The following MATN2 variants were observed in gnomAD, a reference collection of about 807,000 sequenced individuals.
The protein encoded by MATN2 is matrilin 2, also known as matrilin-2.
Under a neutral mutation model 103.2 loss-of-function variants are expected in MATN2, and 69 were observed. The ratio of observed to expected loss-of-function variants is 0.67; its 90% CI spans 0.55 to 0.82. The LOEUF is 0.82. Ranked by LOEUF, MATN2 falls within the 40% of genes least tolerant of loss-of-function variation. MATN2 has a pLI of 0.00. For missense variants in MATN2, 1,023 were observed against 1,211.5 expected, an observed-to-expected ratio of 0.84 and a Z score of 2.31; for synonymous variants, 429 against 450.2, an observed-to-expected ratio of 0.95 and a Z score of 0.60.
chr8:98,032,409 A>G (rs1814066658), intron 16 of MATN2, 92 bp downstream of exon 16: 4 of 960,924 alleles, frequency 4.2e-6, no homozygotes, highest in Non-Finnish European at 6.4e-6. Flanking sequence ...GAATGTAAGT[A>G]TGTTCAAATT....
chr8:98,035,782 A>C lies in MATN2; in HGVS notation c.*70A>C, dbSNP rs957907239. On this transcript the variant is annotated 3_prime_UTR_variant, in exon 19 of 19. Transcript: ENST00000254898. ...ACAATGAACGCAGTGCAGAGCCCCA[A>C]AGCTCAGGCTATTGTTAAATCAATA... The C allele has an allele frequency of 1.9e-5, 18 of 924,826 alleles. No individual in the cohort carries two copies. The highest frequency in any genetic ancestry group is 3.0e-5 in the Non-Finnish European group (18 of 609,656). The allele number at this position is 924,826 out of a possible 1,614,324, so 57.3% of individuals were successfully genotyped here.
chr8:98,011,132 G>A (rs1193935463), intron 10 of MATN2, among the ~76,000 whole-genome samples: 1 of 152,210 alleles, frequency 6.6e-6, no homozygotes, highest in Non-Finnish European at 1.5e-5. Flanking sequence ...TGCATGGGTT[G>A]TAGGGGGTGA....
intron 4 of MATN2, among the ~76,000 whole-genome samples, chr8:97,955,460 G>A (rs922590935): frequency 3.3e-5 from 5 of 152,156 alleles, no homozygotes; most frequent in African/African-American, 1.2e-4. Flanking sequence ...TCCCATCTTC[G>A]ACCCCAGGGT....
At chr8:98,000,467 G>A (rs974614886) in intron 7 of MATN2, among the ~76,000 whole-genome samples, 8 of 151,500 alleles carry the variant, frequency 5.3e-5, no homozygotes, top group African/African-American at 1.7e-4. Context: ...TGTGGTAGCG[G>A]GCACCTGTAG....
intron 5 of MATN2, among the ~76,000 whole-genome samples, chr8:97,973,669 A>C (rs572752234): frequency 2.0e-5 from 3 of 150,444 alleles, no homozygotes; most frequent in African/African-American, 7.3e-5. Flanking sequence ...TCCCAAACTC[A>C]AGCAATCCTC....
In MATN2 at chr8:97,888,180, C is replaced by T. The variant is rs778619387; in HGVS notation, c.80C>T (p.Ser27Leu). 8.1e-6 allele frequency: 13 copies of T among 1,605,422 alleles called. No individual in the cohort carries two copies. The South Asian group carries it at 1.3e-4, about 16-fold the overall frequency. ...VLLPAEARER[S>L]RGRSISRGRH... The stretch of plus-strand genomic sequence containing the variant: ...CTCCCTGCCGAGGCCAGGGAGCGGT[C>T]ACGTGGGAGGTCCATCTCTAGGGGC... The change falls in exon 2 of 19, where the codon TCA becomes TTA. Residue 27 changes from serine (S) to leucine (L), a missense_variant. By Grantham distance (145) the Ser-to-Leu change is moderately radical. Coordinates refer to ENST00000254898, the MANE Select transcript of MATN2 (RefSeq NM_002380.5).
chr8:97,966,495 TG>T (rs1318012476), intron 5 of MATN2, among the ~76,000 whole-genome samples: 1 of 151,390 alleles, frequency 6.6e-6, no homozygotes, highest in African/African-American at 2.4e-5. Context: ...GAGCCCAGGA[TG>T]TTGAGACTAT....
intron 2 of MATN2, among the ~76,000 whole-genome samples, chr8:97,910,124 C>T (rs1380081898): frequency 6.8e-6 from 1 of 146,756 alleles, no homozygotes. Context: ...TGCAGTGGTG[C>T]AATCTCAGCT....
chr8:97,980,199 A>G (rs1055273745), intron 6 of MATN2, among the ~76,000 whole-genome samples: 2 of 152,248 alleles, frequency 1.3e-5, no homozygotes, highest in Non-Finnish European at 2.9e-5. Flanking sequence ...AGAGAACTGT[A>G]GTCTCCATGC....
intron 2 of MATN2, among the ~76,000 whole-genome samples, chr8:97,922,526 G>T (rs1239829025): frequency 6.6e-6 from 1 of 152,188 alleles, no homozygotes; most frequent in Non-Finnish European, 1.5e-5. Flanking sequence ...TTGTTGCAGA[G>T]CACCAGGCTC....
At chr8:97,928,880 T>A (rs1436465450) in intron 2 of MATN2, among the ~76,000 whole-genome samples, 2 of 152,228 alleles carry the variant, frequency 1.3e-5, no homozygotes. Flanking sequence ...AAACTCTCAG[T>A]GCTCCCATGT....
chr8:98,021,069 G>T, intron 12 of MATN2, 136 bp from the exon 13 acceptor site: 1 of 788,892 alleles, frequency 1.3e-6, no homozygotes, highest in Non-Finnish European at 2.0e-6. Context: ...GACTGCAAAA[G>T]ACATTATGAA....
At chr8:97,910,841 T>C (rs1410494118) in intron 2 of MATN2, among the ~76,000 whole-genome samples, 1 of 152,162 alleles carries the variant, frequency 6.6e-6, no homozygotes, top group Non-Finnish European at 1.5e-5. Flanking sequence ...AGTGGGTTGC[T>C]ATGAGGAGTA....
chr8:98,027,454 G>A lies in MATN2; in HGVS notation c.1981G>A (p.Asp661Asn), dbSNP rs1251627430. 9.3e-6 allele frequency: 15 copies of A among 1,611,064 alleles called. No individual in the cohort carries two copies. In the African/African-American group the frequency reaches 1.1e-4, roughly 11 times the overall value. Residue 661 changes from aspartate to asparagine, a missense_variant, in exon 14 of 19, where the codon GAT becomes AAT. Asp to Asn is a conservative substitution (Grantham distance 23, BLOSUM62 1). Transcript: ENST00000254898. ...EGPIDLVFVI[D>N]GSKSLGEENF... ...CCCAATTGACCTGGTCTTTGTGATC[G>A]ATGGATCCAAGAGTCTTGGAGAAGA...
At chr8:97,918,309 C>T (rs1278659649) in intron 2 of MATN2, among the ~76,000 whole-genome samples, 1 of 152,132 alleles carries the variant, frequency 6.6e-6, no homozygotes, top group Non-Finnish European at 1.5e-5. Context: ...CAGGACCTGA[C>T]GATACAGCAC....
intron 7 of MATN2, among the ~76,000 whole-genome samples, chr8:98,002,187 A>T (rs1422332219): frequency 6.6e-6 from 1 of 152,162 alleles, no homozygotes; most frequent in Non-Finnish European, 1.5e-5. Context: ...CCAGGAAAGG[A>T]ATTGCTTATT....
chr8:98,007,642 CGTGGGTGCCGGT>C lies in MATN2; in HGVS notation c.1573+50_1573+61del. The stretch of plus-strand genomic sequence containing the variant: ...ACAAGCAGGACCTGCACAGGTGTTC[CGTGGGTGCCGGT>C]GTGGGTGCGCTGCCGACGTGTATAT... On this transcript the variant is annotated intron_variant, in intron 10 of 18. Coordinates refer to ENST00000254898, the MANE Select transcript of MATN2 (RefSeq NM_002380.5). The surrounding 1 kb of genome is among the most constrained non-coding windows in gnomAD (Gnocchi z 4.2). 1.9e-6 allele frequency: 3 copies of C among 1,583,250 alleles called. No homozygotes were observed. Among genetic ancestry groups the C allele is most frequent in the Non-Finnish European group, 2.6e-6 (3 of 1,157,546 alleles).
intron 3 of MATN2, among the ~76,000 whole-genome samples, chr8:97,936,160 C>T (rs2130163325): frequency 6.6e-6 from 1 of 152,292 alleles, no homozygotes; most frequent in East Asian, 1.9e-4. Flanking sequence ...AAACCCCACA[C>T]ATCCTGGAGT....
At position 98,018,046 on chromosome 8, in the gene MATN2, C is replaced by T; in HGVS notation, c.1749C>T (p.Asn583=). The T allele has an allele frequency of 1.2e-6, 2 of 1,613,886 alleles. No homozygotes were observed. Among genetic ancestry groups the T allele is most frequent in the Non-Finnish European group, 1.7e-6 (2 of 1,179,806 alleles). ...ATGGCTGTGAACACATTTGTGTGAA[C>T]AGTGATGACTCATACACGTGCGAGT... ...IDHGCEHICV[N]SDDSYTCECL... Residue 583 remains asparagine (N), a synonymous_variant, in exon 12 of 19, where the codon AAC becomes AAT. Coordinates refer to ENST00000254898, the MANE Select transcript of MATN2 (RefSeq NM_002380.5).
Sources: gnomAD v4.1 joint callset for allele counts (sites outside exome capture counted in the v4.1 genomes callset) on GRCh38, gnomAD v4.1.1 for gene constraint, Gnocchi (gnomAD v3.1) non-coding constraint, MANE v1.5 for transcripts, NCBI Gene and HGNC (gene_info 2026-07-23, HGNC 2026-07-21) for gene names.